SLC5A1: variants seen among roughly 807,000 people sequenced by gnomAD.
SLC5A1 encodes the protein solute carrier family 5 member 1.
SLC5A1 carries 42 observed loss-of-function variants against 73.5 expected under a neutral mutation model. The ratio of observed to expected loss-of-function variants is 0.57; its 90% confidence interval spans 0.45 to 0.74. The LOEUF (loss-of-function observed/expected upper bound fraction) is 0.74, where lower values mean the gene tolerates loss of function less well. Ranked by LOEUF, SLC5A1 falls within the 30% of genes least tolerant of loss-of-function variation. SLC5A1 has a pLI of 0.00. For missense variants in SLC5A1, 634 were observed against 855.4 expected, an observed-to-expected ratio of 0.74 and a Z score of 3.23; for synonymous variants, 300 against 317.4, an observed-to-expected ratio of 0.95 and a Z score of 0.58.
At chr22:32,081,809 G>T in intron 5 of SLC5A1, 57 bp from the exon 6 acceptor site, 1 of 1,034,710 alleles carries the variant, frequency 9.7e-7, no homozygotes. Flanking sequence ...AGAGACTACA[G>T]GCCCTGTAGG....
At chr22:32,055,747 A>C (rs2093950810) in intron 2 of SLC5A1, among the ~76,000 whole-genome samples, 1 of 152,260 alleles carries the variant, frequency 6.6e-6, no homozygotes. Flanking sequence ...GAAGATCAGA[A>C]TAATACAAAC....
At chr22:32,085,670 T>C (rs1293734713) in intron 9 of SLC5A1, among the ~76,000 whole-genome samples, 1 of 152,062 alleles carries the variant, frequency 6.6e-6, no homozygotes. Flanking sequence ...CCTGAATGTT[T>C]CTTTGATTTC....
chr22:32,104,695 C>A, intron 13 of SLC5A1, 91 bp from the exon 14 acceptor site: 1 of 888,420 alleles, frequency 1.1e-6, no homozygotes, highest in Non-Finnish European at 1.9e-6. Context: ...ATTCCCTTCC[C>A]TTCCTTGATG....
At chr22:32,068,754 C>T (rs895790990) in intron 5 of SLC5A1, among the ~76,000 whole-genome samples, 154 bp downstream of exon 5, 2 of 151,900 alleles carry the variant, frequency 1.3e-5, no homozygotes, top group African/African-American at 2.4e-5. Context: ...ATTTCTGCAT[C>T]GAGGAGCCAA....
intron 11 of SLC5A1, 72 bp from the exon 12 acceptor site, chr22:32,099,097 AAAAAAAAAATATAT>A: frequency 9.3e-5 from 15 of 161,724 alleles, no homozygotes; most frequent in Middle Eastern, 2.6e-3. Flanking sequence ...AAAAAAAAAA[AAAAAAAAAATATAT>A]ATATATATAT....
intron 11 of SLC5A1, 52 bp from the exon 12 acceptor site, chr22:32,099,131 T>C (rs199725528): frequency 4.7e-4 from 303 of 650,010 alleles, no homozygotes; most frequent in East Asian, 1.6e-3. Flanking sequence ...TATATATATA[T>C]ACTCATGTAG....
intron 9 of SLC5A1, 53 bp from the exon 10 acceptor site, chr22:32,086,167 G>A: frequency 9.0e-7 from 1 of 1,114,418 alleles, no homozygotes. Flanking sequence ...GGTGAATTTT[G>A]GAAATATTTC....
At chr22:32,101,816 T>TA (rs985114914) in intron 12 of SLC5A1, among the ~76,000 whole-genome samples, 3 of 152,172 alleles carry the variant, frequency 2.0e-5, no homozygotes, top group African/African-American at 7.2e-5. Context: ...TGAAACATGA[T>TA]AGACAGACAC....
At chr22:32,055,936 G>T (rs940401749) in intron 2 of SLC5A1, among the ~76,000 whole-genome samples, 4 of 152,154 alleles carry the variant, frequency 2.6e-5, no homozygotes, top group African/African-American at 9.7e-5. Context: ...CTGCACTCTT[G>T]TTAGAAATGC....
chr22:32,069,374 A>G (rs2093979278), intron 5 of SLC5A1, among the ~76,000 whole-genome samples: 1 of 152,178 alleles, frequency 6.6e-6, no homozygotes, highest in African/African-American at 2.4e-5. Flanking sequence ...ACTATAGCTA[A>G]TAACAATGTG....
chr22:32,045,110 A>G (rs935142304), intron 1 of SLC5A1, among the ~76,000 whole-genome samples: 1 of 152,034 alleles, frequency 6.6e-6, no homozygotes, highest in Non-Finnish European at 1.5e-5. Context: ...GGTACCAGGC[A>G]CTCTGCCACT....
chr22:32,064,027 T>G (rs2093968135), intron 2 of SLC5A1, among the ~76,000 whole-genome samples: 1 of 152,084 alleles, frequency 6.6e-6, no homozygotes, highest in South Asian at 2.1e-4. Context: ...TTGGGAGAGA[T>G]ATTGGAGAGG....
At chr22:32,079,610 C>T (rs1167944666) in intron 5 of SLC5A1, among the ~76,000 whole-genome samples, 1 of 152,118 alleles carries the variant, frequency 6.6e-6, no homozygotes, top group African/African-American at 2.4e-5. Flanking sequence ...GAAAATCAAC[C>T]AAGGGCAGTT....
intron 3 of SLC5A1, 41 bp downstream of exon 3, chr22:32,067,080 A>C (rs1312074016): frequency 6.9e-7 from 1 of 1,444,582 alleles, no homozygotes. Context: ...GGCTGGAAGG[A>C]GCCTTAGCAG....
chr22:32,071,145 G>C (rs951933034), intron 5 of SLC5A1, among the ~76,000 whole-genome samples: 1 of 152,130 alleles, frequency 6.6e-6, no homozygotes, highest in African/African-American at 2.4e-5. Context: ...AAGTGTTCTT[G>C]AAATGTAAGA....
At chr22:32,067,848 C>T (rs372133338) in intron 3 of SLC5A1, 119 bp from the exon 4 acceptor site, 82 of 1,031,720 alleles carry the variant, frequency 7.9e-5, no homozygotes, top group East Asian at 1.7e-4. Flanking sequence ...CAGTCTCTAA[C>T]GGCTCCTTAG....
rs1023427950 is a variant in SLC5A1, at chr22:32,112,571, G to A, written c.*2358G>A. ...AGAACCAGTGTGGGTGGGGAGTTGT[G>A]CATATAAACTATTTAATGAGTACCA... is the stretch of plus-strand genomic sequence containing the variant. On this transcript the variant is annotated 3_prime_UTR_variant, in exon 15 of 15. Coordinates refer to ENST00000266088, the MANE Select transcript of SLC5A1 (RefSeq NM_000343.4). 3 of 152,182 alleles carry A rather than the reference G, an allele frequency of 2.0e-5. No individual in the cohort carries two copies. The highest frequency in any genetic ancestry group is 1.9e-4 in the East Asian group (1 of 5,202). The allele number at this position is 152,182 out of a possible 1,614,324, so 9.4% of individuals were successfully genotyped here. A position where few individuals can be genotyped will look rare whatever the true frequency, so the allele number is the denominator to read the frequency against.
intron 2 of SLC5A1, among the ~76,000 whole-genome samples, chr22:32,060,130 C>CAT (rs111569100): frequency 0.49 from 34,204 of 69,932 alleles, 6,868 homozygotes; most frequent in African/African-American, 0.67. Context: ...TACATACACA[C>CAT]ATATATATAC....
chr22:32,081,364 T>G (rs1406982724), intron 5 of SLC5A1, among the ~76,000 whole-genome samples: 2 of 151,832 alleles, frequency 1.3e-5, no homozygotes, highest in Non-Finnish European at 2.9e-5. Flanking sequence ...GGTTGGGGAG[T>G]TAAAATTACA....
Sources: allele counts gnomAD v4.1 joint callset (sites outside exome capture counted in the v4.1 genomes callset), GRCh38; gene constraint gnomAD v4.1.1; transcripts MANE v1.5; gene names NCBI Gene and HGNC (gene_info 2026-07-23, HGNC 2026-07-21).